Variants in GUCY2F observed in about 807,000 individuals in gnomAD.
GUCY2F encodes the protein guanylate cyclase 2F, retinal.
In GUCY2F, 61 loss-of-function variants were observed where a neutral mutation model predicts 73.1. The ratio of observed to expected loss-of-function variants is 0.83; its 90% CI spans 0.68 to 1.03. GUCY2F has a LOEUF of 1.03. GUCY2F is among the 50% of genes least tolerant of loss of function. The pLI is 0.00. For missense variants in GUCY2F, 912 were observed against 854.3 expected (o/e 1.07, Z -0.84); for synonymous variants, 331 against 307.8 (o/e 1.08, Z -0.79).
intron 7 of GUCY2F, among the ~76,000 whole-genome samples, chrX:109,431,334 G>A (rs1283240896): frequency 1.8e-5 from 2 of 111,678 alleles, no homozygotes; most frequent in African/African-American, 6.5e-5. Flanking sequence ...ATTCCATTTC[G>A]GGCTGCACCA....
chrX:109,425,304 C>A (rs1931457330), intron 8 of GUCY2F, among the ~76,000 whole-genome samples: 1 of 109,055 alleles, frequency 9.2e-6, no homozygotes, highest in Non-Finnish European at 1.9e-5. Flanking sequence ...AGCCCAAATG[C>A]CCATCAATCA....
At chrX:109,398,747 T>C (rs773877492) in intron 10 of GUCY2F, 49 bp from the exon 11 acceptor site, 3 of 1,092,986 alleles carry the variant, frequency 2.7e-6, no homozygotes, top group Non-Finnish European at 1.3e-6. Context: ...TAACTGACAA[T>C]ATCTGCAATG....
chrX:109,453,637 G>GTAT lies in GUCY2F; in HGVS notation c.1254_1255insATA (p.Leu418_His419insIle). The GTAT allele has an allele frequency of 8.3e-7, 1 of 1,200,733 alleles. No individual in the cohort carries two copies. The highest frequency in any genetic ancestry group is 3.0e-5 in the East Asian group (1 of 33,800). On this transcript the variant is annotated inframe_insertion, in exon 4 of 20. Coordinates refer to ENST00000218006, the MANE Select transcript of GUCY2F (RefSeq NM_001522.3). Reference sequence around the variant, plus strand: ...TCCATGTCCACAGTGTAGGTGCTATGGAGTTCCCATTCTTTCAAGTTGGTG... The same window carrying GTAT: ...TCCATGTCCACAGTGTAGGTGCTATGTATGAGTTCCCATTCTTTCAAGTTGGTG...
In GUCY2F at chrX:109,409,391, C is replaced by T. The variant is rs763279711; in HGVS notation, c.1792-223G>A. 2.5e-4 allele frequency among the ~76,000 whole-genome samples: 28 copies of T among 111,456 alleles called. 1 individual carries two copies. Among genetic ancestry groups the T allele is most frequent in the Admixed American group, 1.0e-3 (11 of 10,533 alleles). Reference sequence around the variant, plus strand: ...AGGGTGAGCCTAATCTAACTAATCACGTGATCCCATAAAAACAAAAGAAGA... The same window carrying T: ...AGGGTGAGCCTAATCTAACTAATCATGTGATCCCATAAAAACAAAAGAAGA... On this transcript the variant is annotated intron_variant, in intron 8 of 19. Transcript: ENST00000218006.
In GUCY2F at chrX:109,375,892, C is replaced by T. The variant is rs771787373; in HGVS notation, c.*1+6G>A. The T allele has an allele frequency of 8.4e-7, 1 of 1,188,081 alleles. No homozygotes were observed. The highest frequency in any genetic ancestry group is 1.1e-6 in the Non-Finnish European group (1 of 874,391). On this transcript the variant is annotated splice_donor_region_variant and intron_variant, in intron 19 of 19. Transcript: ENST00000218006. ...TGCTGTGCTCTGTTTTCCTCCTGGCCATTACCTTATGGCTTGTTTCTCACC... is the reference window on the plus strand; with the variant it reads ...TGCTGTGCTCTGTTTTCCTCCTGGCTATTACCTTATGGCTTGTTTCTCACC...
At chrX:109,394,791 C>T (rs1008591858) in intron 12 of GUCY2F, among the ~76,000 whole-genome samples, 3 of 111,930 alleles carry the variant, frequency 2.7e-5, no homozygotes, top group Non-Finnish European at 3.8e-5. Context: ...TTTCATGTAC[C>T]CCATTGCCTG....
intron 10 of GUCY2F, among the ~76,000 whole-genome samples, chrX:109,401,641 G>T (rs1038782473): frequency 1.8e-5 from 2 of 111,432 alleles, no homozygotes; most frequent in Admixed American, 9.5e-5. Context: ...AGTTTGGGTG[G>T]GGGGAGACAA....
intron 7 of GUCY2F, 68 bp from the exon 8 acceptor site, chrX:109,430,464 C>T: frequency 4.8e-6 from 3 of 629,113 alleles, no homozygotes; most frequent in Non-Finnish European, 8.1e-6. Context: ...AAAAATGTCC[C>T]TTCCACATAA....
intron 11 of GUCY2F, among the ~76,000 whole-genome samples, chrX:109,397,835 T>C (rs1232073881): frequency 1.4e-4 from 14 of 103,151 alleles, no homozygotes; most frequent in African/African-American, 6.0e-4. Flanking sequence ...TGAGGTTATG[T>C]ATTTTTTTTT....
chrX:109,414,291 C>CT (rs1931188912), intron 8 of GUCY2F, among the ~76,000 whole-genome samples: 1 of 111,295 alleles, frequency 9.0e-6, no homozygotes, highest in East Asian at 2.8e-4. Context: ...AAATGTTGTA[C>CT]CTCCATGAGT....
intron 10 of GUCY2F, among the ~76,000 whole-genome samples, chrX:109,401,136 G>A (rs1239782862): frequency 8.9e-6 from 1 of 112,343 alleles, no homozygotes; most frequent in African/African-American, 3.2e-5. Flanking sequence ...AGAGTGGACA[G>A]TAATGAATAC....
rs1192509364 is a variant in GUCY2F at position 109,382,216 on chromosome X, C to T, written c.3056-4G>A. The T allele has an allele frequency of 9.1e-7, 1 of 1,101,974 alleles. No homozygotes were observed. The highest frequency in any genetic ancestry group is 1.8e-5 in the African/African-American group (1 of 55,370). 90.8% of individuals were successfully genotyped at this position (1,101,974 alleles called of 1,213,427 possible). A position where few individuals can be genotyped will look rare whatever the true frequency, so the allele number is the denominator to read the frequency against. On this transcript the variant is annotated splice_region_variant and splice_polypyrimidine_tract_variant and intron_variant, in intron 16 of 19. Transcript: ENST00000218006. ...AGACTGACATGAATGCGATAAGCTG[C>T]AAAAGAAGGAGAGACATGATTTGGG... is the stretch of plus-strand genomic sequence containing the variant.
chrX:109,388,773 G>T, intron 14 of GUCY2F, 110 bp from the exon 15 acceptor site: 3 of 483,190 alleles, frequency 6.2e-6, no homozygotes, highest in Non-Finnish European at 1.1e-5. Flanking sequence ...AAGTGAGAAA[G>T]GCAGAGAGGG....
At chrX:109,433,374 A>T (rs774015150) in intron 7 of GUCY2F, among the ~76,000 whole-genome samples, 1 of 112,253 alleles carries the variant, frequency 8.9e-6, no homozygotes, top group East Asian at 2.8e-4. Flanking sequence ...AACTTAAGAG[A>T]TTAAGTGACT....
intron 5 of GUCY2F, among the ~76,000 whole-genome samples, chrX:109,449,388 G>C (rs1176811954): frequency 2.7e-5 from 3 of 112,247 alleles, no homozygotes; most frequent in Non-Finnish European, 5.6e-5. Context: ...GGATTCTTGG[G>C]TAGAGCACAT....
chrX:109,472,465 A>C (rs1028923311), intron 2 of GUCY2F, among the ~76,000 whole-genome samples: 1 of 111,826 alleles, frequency 8.9e-6, no homozygotes, highest in Non-Finnish European at 1.9e-5. Context: ...TGCCTTCCTC[A>C]GACCTTCTCA....
chrX:109,478,374 A>T (rs1180729564), intron 1 of GUCY2F, among the ~76,000 whole-genome samples: 2 of 112,106 alleles, frequency 1.8e-5, no homozygotes. Flanking sequence ...AAGGATCTCT[A>T]TTTCTGGTCT....
chrX:109,425,319 G>A (rs1292063173), intron 8 of GUCY2F, among the ~76,000 whole-genome samples: 11 of 108,256 alleles, frequency 1.0e-4, no homozygotes, highest in South Asian at 8.0e-4. Context: ...CAATCAACGA[G>A]TGGATAAAGA....
Position 109,475,622 on chromosome X carries a change from C to A in GUCY2F, c.315G>T (p.Gln105His), listed in dbSNP as rs113525585. 5.0e-6 allele frequency: 6 copies of A among 1,210,363 alleles called. No individual in the cohort carries two copies. In the South Asian group the frequency reaches 1.1e-4, roughly 21 times the overall value. The change falls in exon 2 of 20, where the codon CAG becomes CAT. Residue 105 changes from glutamine to histidine, a missense_variant. Gln to His is a conservative substitution (Grantham distance 24). Transcript: ENST00000218006. ...FEYVILNEDCQTSRALSSFIS... is the reference protein window; with the variant it reads ...FEYVILNEDCHTSRALSSFIS... The stretch of plus-strand genomic sequence containing the variant: ...TGAAACTGGAGAGAGCCCTCGAAGT[C>A]TGGCAGTCTTCATTGAGAATCACGT...
Sources: gnomAD v4.1 joint callset for allele counts (sites outside exome capture counted in the v4.1 genomes callset) on GRCh38, gnomAD v4.1.1 for gene constraint, MANE v1.5 for transcripts, NCBI Gene and HGNC (gene_info 2026-07-23, HGNC 2026-07-21) for gene names.